Variants in TBL1Y observed in about 807,000 individuals in gnomAD.
TBL1Y encodes the protein transducin beta like 1 Y-linked, also known as F-box-like/WD repeat-containing protein TBL1Y.
TBL1Y carries 15 observed loss-of-function variants against 12.0 expected under a neutral mutation model. That is an observed-to-expected ratio of 1.25 (90% confidence interval 0.83 to 1.92). The LOEUF is 1.92. TBL1Y is among the 40% of genes most tolerant of loss of function. The pLI is 0.00. For synonymous variants in TBL1Y, 53 were observed against 42.6 expected (o/e 1.24, Z -0.95); for missense variants, 148 against 116.7 (o/e 1.27, Z -1.24).
intron 4 of TBL1Y, among the ~76,000 whole-genome samples, chrY:7,014,793 G>A: frequency 3.0e-5 from 1 of 33,216 alleles, no homozygotes; most frequent in East Asian, 7.8e-4. Context: ...AAAATTACTG[G>A]TCTAGATAAA....
At chrY:7,000,562 A>C (rs1017796873) in intron 4 of TBL1Y, among the ~76,000 whole-genome samples, 5 of 33,837 alleles carry the variant, frequency 1.5e-4, no homozygotes, top group Non-Finnish European at 2.9e-4. Flanking sequence ...AGGATTGATT[A>C]TAACAATAAT....
At chrY:6,923,135 C>T in intron 2 of TBL1Y, among the ~76,000 whole-genome samples, 1 of 33,136 alleles carries the variant, frequency 3.0e-5, no homozygotes, top group Non-Finnish European at 7.5e-5. Flanking sequence ...AGTGCGATCT[C>T]AGCTCACTGC....
intron 2 of TBL1Y, among the ~76,000 whole-genome samples, chrY:6,960,614 A>T (rs775529857): frequency 5.3e-3 from 179 of 33,660 alleles, no homozygotes; most frequent in Middle Eastern, 0.028. Context: ...GGCCAGACAG[A>T]TGGAGCCTGT....
intron 2 of TBL1Y, among the ~76,000 whole-genome samples, chrY:6,963,630 C>T: frequency 3.0e-5 from 1 of 33,717 alleles, no homozygotes; most frequent in Non-Finnish European, 7.4e-5. Context: ...CTTCTGGCAG[C>T]GGGCCATGTA....
intron 2 of TBL1Y, among the ~76,000 whole-genome samples, chrY:6,972,876 G>A (rs2012215822): frequency 3.0e-5 from 1 of 33,685 alleles, no homozygotes; most frequent in Non-Finnish European, 7.4e-5. Flanking sequence ...CCAACAAGGA[G>A]AGTGCAGCTT....
intron 4 of TBL1Y, among the ~76,000 whole-genome samples, chrY:6,998,959 C>A: frequency 3.0e-5 from 1 of 33,827 alleles, no homozygotes; most frequent in African/African-American, 1.2e-4. Flanking sequence ...TTCCCTTTTA[C>A]TCATGATGTC....
intron 8 of TBL1Y, among the ~76,000 whole-genome samples, chrY:7,066,479 T>C (rs764323893): frequency 3.0e-5 from 1 of 33,113 alleles, no homozygotes; most frequent in East Asian, 7.9e-4. Context: ...ACAATTCTCC[T>C]GCCTCAGCCT....
intron 18 of TBL1Y, 102 bp from the exon 19 acceptor site, chrY:7,091,370 A>G (rs1052450851): frequency 5.8e-6 from 1 of 171,190 alleles, no homozygotes; most frequent in Non-Finnish European, 9.5e-6. Flanking sequence ...AAATTGGTGG[A>G]GACCTAGACT....
intron 8 of TBL1Y, among the ~76,000 whole-genome samples, chrY:7,069,128 C>T (rs1043497269): frequency 3.1e-5 from 1 of 32,609 alleles, no homozygotes; most frequent in Admixed American, 2.9e-4. Context: ...AAGGACATAA[C>T]GAAACATGCT....
chrY:6,994,470 C>T (rs2012396490), intron 3 of TBL1Y, among the ~76,000 whole-genome samples: 1 of 33,270 alleles, frequency 3.0e-5, no homozygotes, highest in South Asian at 6.8e-4. Context: ...CCTCGGGTCC[C>T]GGCTAAACTG....
chrY:7,042,058 A>G, intron 6 of TBL1Y, among the ~76,000 whole-genome samples: 1 of 33,615 alleles, frequency 3.0e-5, no homozygotes, highest in Non-Finnish European at 7.4e-5. Flanking sequence ...AAGAGCCAGT[A>G]TCTATTAGAA....
At chrY:7,065,188 G>T in intron 8 of TBL1Y, among the ~76,000 whole-genome samples, 2 of 33,353 alleles carry the variant, frequency 6.0e-5, no homozygotes, top group Admixed American at 5.4e-4. Flanking sequence ...TAGTTCCCTT[G>T]TGTCAAGGGC....
chrY:6,930,546 G>A, intron 2 of TBL1Y, among the ~76,000 whole-genome samples: 1 of 33,246 alleles, frequency 3.0e-5, no homozygotes, highest in Admixed American at 2.7e-4. Context: ...GCTTCTGAGT[G>A]GGGTGGGGAC....
intron 2 of TBL1Y, among the ~76,000 whole-genome samples, chrY:6,946,344 G>A (rs2011985539): frequency 5.9e-5 from 2 of 33,614 alleles, no homozygotes; most frequent in South Asian, 6.8e-4. Flanking sequence ...GAAAATCTGA[G>A]ACAGGTCTCA....
chrY:6,942,272 A>C (rs761681832), intron 2 of TBL1Y, among the ~76,000 whole-genome samples: 25 of 33,750 alleles, frequency 7.4e-4, no homozygotes, highest in Non-Finnish European at 1.4e-3. Context: ...TCACACTTGG[A>C]GTCAAGAACC....
At chrY:6,997,504 C>T (rs999948574) in intron 4 of TBL1Y, among the ~76,000 whole-genome samples, 2 of 33,604 alleles carry the variant, frequency 6.0e-5, no homozygotes, top group Non-Finnish European at 1.5e-4. Flanking sequence ...AGGGGCTTTT[C>T]TTCTAAGAAA....
intron 2 of TBL1Y, among the ~76,000 whole-genome samples, chrY:6,960,856 A>G: frequency 3.0e-5 from 1 of 32,989 alleles, no homozygotes; most frequent in African/African-American, 1.2e-4. Context: ...TAAATTATTC[A>G]TTTGTGACCC....
chrY:7,058,286 G>T, intron 7 of TBL1Y, among the ~76,000 whole-genome samples: 1 of 33,724 alleles, frequency 3.0e-5, no homozygotes, highest in East Asian at 7.9e-4. Context: ...GTAAACTCTT[G>T]AAAATTCTTA....
chrY:7,080,569 G>A (rs2013091098), intron 13 of TBL1Y, among the ~76,000 whole-genome samples, 163 bp from the exon 14 acceptor site: 1 of 33,286 alleles, frequency 3.0e-5, no homozygotes, highest in Non-Finnish European at 7.4e-5. Context: ...GCCATGAGCC[G>A]TTAAGCCACT....
Sources: gnomAD v4.1 joint callset for allele counts (sites outside exome capture counted in the v4.1 genomes callset) on GRCh38, gnomAD v4.1.1 for gene constraint, MANE v1.5 for transcripts, NCBI Gene and HGNC (gene_info 2026-07-23, HGNC 2026-07-21) for gene names.